The following EP400 variants were observed in gnomAD, a reference collection of about 807,000 sequenced individuals.
EP400 encodes E1A binding protein p400, also known as E1A-binding protein p400.
In EP400, 105 loss-of-function variants were observed where a neutral mutation model predicts 354.1. The ratio of observed to expected loss-of-function variants is 0.30; its 90% confidence interval spans 0.25 to 0.35. EP400 has a LOEUF of 0.35. Ranked by LOEUF, EP400 falls within the 10% of genes least tolerant of loss-of-function variation. EP400 has a pLI of 1.00. For synonymous variants in EP400, 1,646 were observed against 1,716.9 expected, an observed-to-expected ratio of 0.96 and a Z score of 1.02; for missense variants, 3,280 against 4,121.0, an observed-to-expected ratio of 0.80 and a Z score of 5.59.
At position 132,013,506 on chromosome 12, in the gene EP400, C is replaced by G; in HGVS notation, c.3628C>G (p.Leu1210Val). The change falls in exon 18 of 53, where the codon CTG becomes GTG. Residue 1210 changes from leucine (L) to valine (V), a missense_variant. Physicochemically the swap from Leu to Val is conservative, Grantham distance 32 (BLOSUM62 1). Coordinates refer to ENST00000389561, the MANE Select transcript of EP400 (RefSeq NM_015409.5). This position sits in a 1 kb window ranked among gnomAD's most constrained non-coding sequence, Gnocchi z 4.5. ...TGTTTGCAGCCAACAACGTCTGCTTCTGATCGACTCGCCGCTGCACAATAC... is the reference window on the plus strand; with the variant it reads ...TGTTTGCAGCCAACAACGTCTGCTTGTGATCGACTCGCCGCTGCACAATAC... The part of the protein sequence containing the change: ...FTLQSQQRLL[L>V]IDSPLHNTFL... The G allele has an allele frequency of 6.3e-7, 1 of 1,575,774 alleles. No homozygotes were observed. Among genetic ancestry groups the G allele is most frequent in the East Asian group, 2.3e-5 (1 of 44,418 alleles).
At chr12:132,047,668 C>T (rs1172294390) in intron 39 of EP400, among the ~76,000 whole-genome samples, 6 of 152,116 alleles carry the variant, frequency 3.9e-5, no homozygotes, top group East Asian at 3.8e-4. Flanking sequence ...AGGACCAGGG[C>T]GAAATTAAAA....
chr12:131,993,022 C>T (rs369415366), intron 11 of EP400, among the ~76,000 whole-genome samples: 11 of 152,130 alleles, frequency 7.2e-5, no homozygotes, highest in African/African-American at 2.7e-4. Context: ...AGTTCTGCTG[C>T]GTATGACAGA....
intron 47 of EP400, among the ~76,000 whole-genome samples, chr12:132,064,143 G>GGC (rs1895808847): frequency 6.6e-6 from 1 of 151,248 alleles, no homozygotes; most frequent in Admixed American, 6.6e-5. Context: ...CAACCACTGA[G>GGC]ACACCAGTGC....
chr12:131,953,474 A>G (rs1891589934), intron 1 of EP400, among the ~76,000 whole-genome samples: 1 of 152,220 alleles, frequency 6.6e-6, no homozygotes, highest in Non-Finnish European at 1.5e-5. Flanking sequence ...GTTAAATGGA[A>G]GGGACATTGG....
chr12:131,952,322 A>G (rs1171099136), intron 1 of EP400, among the ~76,000 whole-genome samples: 61 of 150,532 alleles, frequency 4.1e-4, no homozygotes, highest in South Asian at 2.3e-3. Context: ...AAAAAAAAAA[A>G]AAAGAAAAAG....
At chr12:131,995,653 CCTGA>C (rs1893185084) in intron 12 of EP400, among the ~76,000 whole-genome samples, 1 of 148,062 alleles carries the variant, frequency 6.8e-6, no homozygotes, top group Non-Finnish European at 1.5e-5. Flanking sequence ...TGCCGTTCAT[CCTGA>C]GTGTGTGAGA....
chr12:131,951,768 A>AT (rs1441192489), intron 1 of EP400, among the ~76,000 whole-genome samples: 3 of 129,126 alleles, frequency 2.3e-5, no homozygotes, highest in South Asian at 5.0e-4. Context: ...TGCCCAGCTA[A>AT]TTTTTTTGTA....
At chr12:132,024,353 A>G (rs1006249651) in intron 24 of EP400, among the ~76,000 whole-genome samples, 1 of 152,220 alleles carries the variant, frequency 6.6e-6, no homozygotes, top group African/African-American at 2.4e-5. Flanking sequence ...AGCCTGGGTC[A>G]CAGACTGAGA....
At chr12:131,997,716 C>T (rs1426678377) in intron 12 of EP400, among the ~76,000 whole-genome samples, 7 of 151,426 alleles carry the variant, frequency 4.6e-5, no homozygotes, top group Non-Finnish European at 1.5e-5. Flanking sequence ...TCGTCATCTT[C>T]ACGTTGAGTA....
At chr12:132,076,260 GTGTC>G (rs997559704) in intron 51 of EP400, 1 of 452,784 alleles carries the variant, frequency 2.2e-6, no homozygotes, top group African/African-American at 2.0e-5. Flanking sequence ...AAGAAAAAAT[GTGTC>G]TGAAATATGA....
In EP400 at chr12:132,050,819, G is replaced by T. The variant is rs1225666516; in HGVS notation, c.7394+164G>T. ...GCAGGAGAGAGGTGCTTTTCCTGCC[G>T]TGGGCTAGGGTATGCATAGGACGGC... On this transcript the variant is annotated intron_variant, in intron 41 of 52. Transcript: ENST00000389561. This position sits in a 1 kb window ranked among gnomAD's most constrained non-coding sequence, Gnocchi z 4.8. 5.0e-6 allele frequency: 4 copies of T among 796,366 alleles called. No homozygotes were observed. The highest frequency in any genetic ancestry group is 4.8e-5 in the South Asian group (3 of 62,806). 49.3% of individuals were successfully genotyped at this position (796,366 alleles called of 1,614,324 possible).
chr12:131,986,025 A>G (rs979717257), intron 5 of EP400, among the ~76,000 whole-genome samples: 5 of 152,262 alleles, frequency 3.3e-5, no homozygotes, highest in African/African-American at 1.2e-4. Flanking sequence ...CCCAGGCTGG[A>G]GTACAGTGGC....
Position 132,070,112 on chromosome 12 carries a change from CT to C in EP400, c.9021+473del, listed in dbSNP as rs1198587157. ...TTTTATGTCCTGCTTCCTCCCAGAG[CT>C]TATGGAGTTACCTCCCTGCATCCTT... On this transcript the variant is annotated intron_variant, in intron 51 of 52. Coordinates refer to ENST00000389561, the MANE Select transcript of EP400 (RefSeq NM_015409.5). This position sits in a 1 kb window ranked among gnomAD's most constrained non-coding sequence, Gnocchi z 4.1. Among the ~76,000 whole-genome samples the C allele has an allele frequency of 6.6e-6, 1 of 152,152 alleles. No individual in the cohort carries two copies. The highest frequency in any genetic ancestry group is 1.5e-5 in the Non-Finnish European group (1 of 68,040).
intron 51 of EP400, 100 bp from the exon 52 acceptor site, chr12:132,076,416 G>T: frequency 8.5e-7 from 1 of 1,171,806 alleles, no homozygotes; most frequent in Non-Finnish European, 1.2e-6. Context: ...CCTGGTCATT[G>T]TGTTTTTTGC....
chr12:132,032,095 A>G lies in EP400; in HGVS notation c.5897A>G (p.Lys1966Arg). Residue 1966 changes from lysine (K) to arginine (R), a missense_variant, in exon 30 of 53, where the codon AAA (lysine) becomes AGA (arginine). This residue lies in a region of EP400 where 459 missense variants were observed against 496.9 expected (regional missense o/e 0.92). Coordinates refer to ENST00000389561, the MANE Select transcript of EP400 (RefSeq NM_015409.5). The stretch of plus-strand genomic sequence containing the variant: ...GACCTGAATCCAGTGATGGATGCCA[A>G]AGCTCAGGAGTGGTGCGATAGGATC... ...DNDLNPVMDA[K>R]AQEWCDRIGR... The G allele has an allele frequency of 6.2e-7, 1 of 1,614,118 alleles. No homozygotes were observed. Among genetic ancestry groups the G allele is most frequent in the Non-Finnish European group, 8.5e-7 (1 of 1,179,968 alleles).
chr12:132,065,752 A>T (rs1895870114), intron 48 of EP400: 1 of 152,248 alleles, frequency 6.6e-6, no homozygotes, highest in South Asian at 2.1e-4. Flanking sequence ...AGAAGTGGAT[A>T]AAAAACTACA....
chr12:132,017,060 CCTT>C lies in EP400; in HGVS notation c.3924-472_3924-470del, dbSNP rs1893965310. ...CCTGGTCCCAGTGTGCGTTGTAGGTCCTTCTGTCTGCCCCCTTCACTGGGTGGT... is the reference window on the plus strand; with the variant it reads ...CCTGGTCCCAGTGTGCGTTGTAGGTCCTGTCTGCCCCCTTCACTGGGTGGT... On this transcript the variant is annotated intron_variant, in intron 19 of 52. Coordinates refer to ENST00000389561, the MANE Select transcript of EP400 (RefSeq NM_015409.5). This position sits in a 1 kb window ranked among gnomAD's most constrained non-coding sequence, Gnocchi z 5.0. Among the ~76,000 whole-genome samples, 1 of 152,242 alleles carries C rather than the reference CCTT, an allele frequency of 6.6e-6. No homozygotes were observed. The highest frequency in any genetic ancestry group is 1.5e-5 in the Non-Finnish European group (1 of 68,038).
chr12:132,073,163 CTGTT>C (rs1363902598), intron 51 of EP400, among the ~76,000 whole-genome samples: 2 of 151,230 alleles, frequency 1.3e-5, no homozygotes, highest in Non-Finnish European at 2.9e-5. Context: ...TGTTTGGACT[CTGTT>C]TGTCTTGCTT....
chr12:132,005,896 T>TGA (rs1377490885), intron 13 of EP400, among the ~76,000 whole-genome samples: 5 of 152,222 alleles, frequency 3.3e-5, no homozygotes, highest in Non-Finnish European at 5.9e-5. Flanking sequence ...TTGGAGGGCT[T>TGA]TCCAGAATGG....
Sources: allele counts gnomAD v4.1 joint callset (sites outside exome capture counted in the v4.1 genomes callset), GRCh38; gene constraint gnomAD v4.1.1; regional missense constraint gnomAD v4.1.1; non-coding constraint Gnocchi (gnomAD v3.1); transcripts MANE v1.5; gene names NCBI Gene and HGNC (gene_info 2026-07-23, HGNC 2026-07-21).